The following NDUFB3 variants were observed in gnomAD, a reference collection of about 807,000 sequenced individuals.
NDUFB3 encodes NADH:ubiquinone oxidoreductase subunit B3.
In NDUFB3, 7 loss-of-function variants were observed where a neutral mutation model predicts 9.0. The observed-to-expected ratio is 0.78, with a 90% CI of 0.44 to 1.46. NDUFB3 has a LOEUF of 1.46. Ranked by LOEUF, NDUFB3 falls within the 40% of genes most tolerant of loss-of-function variation. The pLI, the probability that NDUFB3 is intolerant of heterozygous loss-of-function variation, is 0.01. For synonymous variants in NDUFB3, 29 were observed against 38.5 expected (o/e 0.75, Z 0.91); for missense variants, 93 against 115.4 (o/e 0.81, Z 0.89).
intron 2 of NDUFB3, among the ~76,000 whole-genome samples, chr2:201,083,814 G>A (rs978156106): frequency 1.3e-5 from 2 of 152,068 alleles, no homozygotes; most frequent in African/African-American, 4.8e-5. Context: ...TCATTATGAT[G>A]TATTACCATT....
At chr2:201,084,087 G>A (rs1038642422) in intron 2 of NDUFB3, among the ~76,000 whole-genome samples, 4 of 152,046 alleles carry the variant, frequency 2.6e-5, no homozygotes, top group East Asian at 3.9e-4. Context: ...TCAGAAGTTC[G>A]AGACCAGTGT....
chr2:201,076,370 C>T (rs906584828), intron 1 of NDUFB3, among the ~76,000 whole-genome samples: 1 of 151,294 alleles, frequency 6.6e-6, no homozygotes, highest in Non-Finnish European at 1.5e-5. Flanking sequence ...ACTAGCCAGG[C>T]GTTGTGCACA....
chr2:201,080,042 A>G (rs2047205898), intron 2 of NDUFB3: 1 of 152,128 alleles, frequency 6.6e-6, no homozygotes, highest in African/African-American at 2.4e-5. Flanking sequence ...TTTAAATTTT[A>G]CAATGTATCC....
intron 2 of NDUFB3, among the ~76,000 whole-genome samples, chr2:201,080,305 G>A (rs981945900): frequency 3.9e-5 from 6 of 152,064 alleles, no homozygotes; most frequent in South Asian, 2.1e-4. Flanking sequence ...GTGGTGGCTC[G>A]CACCTATAAT....
In NDUFB3 at chr2:201,076,512, T is replaced by TATATATATATATATAA. The variant is rs1250913348; in HGVS notation, c.-2-2368_-2-2367insTATATATATATATAAA. On this transcript the variant is annotated intron_variant, in intron 1 of 2. Transcript: ENST00000237889. ...ATATATATATATATATATATATATA[T>TATATATATATATATAA]AATTAAATGTGAAAATCATCAACAT... 6.2e-4 allele frequency among the ~76,000 whole-genome samples: 84 copies of TATATATATATATATAA among 134,426 alleles called. 5 individuals carry two copies. Among genetic ancestry groups the TATATATATATATATAA allele is most frequent in the African/African-American group, 2.1e-3 (74 of 35,534 alleles). The allele number at this position is 134,426 out of a possible 152,430, so 88.2% of individuals were successfully genotyped here.
At chr2:201,079,853 A>G (rs2047204507) in intron 2 of NDUFB3, 1 of 152,210 alleles carries the variant, frequency 6.6e-6, no homozygotes, top group South Asian at 2.1e-4. Context: ...TGCTTGCTTC[A>G]GAAACATATA....
At chr2:201,084,315 G>T (rs2047264952) in intron 2 of NDUFB3, among the ~76,000 whole-genome samples, 1 of 151,626 alleles carries the variant, frequency 6.6e-6, no homozygotes, top group African/African-American at 2.4e-5. Context: ...ACAAAAATTA[G>T]TCAGACATGG....
chr2:201,081,507 A>G (rs2047222027), intron 2 of NDUFB3, among the ~76,000 whole-genome samples: 1 of 151,922 alleles, frequency 6.6e-6, no homozygotes. Context: ...ATTTAGGGAT[A>G]AGTGATGTCT....
At position 201,082,197 on chromosome 2, in the gene NDUFB3, G is replaced by T. The variant is rs573823275; in HGVS notation, c.140+3175G>T. ...TTGAACTCATGACCTCAAGTGATCCGCTCGCCTCAGCCCCCCAAAGTGCTA... is the reference window on the plus strand; with the variant it reads ...TTGAACTCATGACCTCAAGTGATCCTCTCGCCTCAGCCCCCCAAAGTGCTA... On this transcript the variant is annotated intron_variant, in intron 2 of 2. Transcript: ENST00000237889. Among the ~76,000 whole-genome samples, 11 of 151,872 alleles carry T rather than the reference G, an allele frequency of 7.2e-5. No individual in the cohort carries two copies. The South Asian group carries it at 1.3e-3, about 17-fold the overall frequency.
At chr2:201,078,846 C>G (rs763894617) in intron 1 of NDUFB3, 35 bp from the exon 2 acceptor site, 2 of 1,577,150 alleles carry the variant, frequency 1.3e-6, no homozygotes, top group African/African-American at 2.7e-5. Context: ...CTACAATTTG[C>G]ATATTTCTCA....
chr2:201,074,844 A>G (rs2047143205), intron 1 of NDUFB3, among the ~76,000 whole-genome samples: 1 of 152,226 alleles, frequency 6.6e-6, no homozygotes, highest in Non-Finnish European at 1.5e-5. Flanking sequence ...TAGAAGGCAC[A>G]TCACAATGTG....
chr2:201,075,226 T>C (rs1434003802), intron 1 of NDUFB3, among the ~76,000 whole-genome samples: 1 of 151,334 alleles, frequency 6.6e-6, no homozygotes, highest in African/African-American at 2.4e-5. Context: ...AAAGGTTTCC[T>C]AGAGAAAGTG....
intron 2 of NDUFB3, among the ~76,000 whole-genome samples, chr2:201,082,038 G>A (rs932602033): frequency 1.3e-5 from 2 of 151,798 alleles, no homozygotes; most frequent in Non-Finnish European, 2.9e-5. Context: ...GAATGGTCTC[G>A]ATATCCTGAC....
At chr2:201,084,284 C>A in intron 2 of NDUFB3, among the ~76,000 whole-genome samples, 1 of 148,478 alleles carries the variant, frequency 6.7e-6, no homozygotes. Flanking sequence ...TGCGAGACTC[C>A]ATCTCAAAAA....
chr2:201,080,349 G>A (rs917365632), intron 2 of NDUFB3, among the ~76,000 whole-genome samples: 5 of 152,088 alleles, frequency 3.3e-5, no homozygotes, highest in Non-Finnish European at 4.4e-5. Context: ...CAGGCGGATC[G>A]CTTGAGCCCA....
chr2:201,080,383 G>A (rs1345923435), intron 2 of NDUFB3, among the ~76,000 whole-genome samples: 1 of 152,098 alleles, frequency 6.6e-6, no homozygotes, highest in Non-Finnish European at 1.5e-5. Flanking sequence ...AGCCTAGGCA[G>A]TACAGGGAGA....
At chr2:201,080,968 G>T (rs1304654066) in intron 2 of NDUFB3, among the ~76,000 whole-genome samples, 1 of 151,720 alleles carries the variant, frequency 6.6e-6, no homozygotes, top group Non-Finnish European at 1.5e-5. Flanking sequence ...CTCCCAAAGT[G>T]CTGGGATTAC....
chr2:201,077,800 C>T (rs957307886), intron 1 of NDUFB3, among the ~76,000 whole-genome samples: 1 of 152,122 alleles, frequency 6.6e-6, no homozygotes, highest in African/African-American at 2.4e-5. Context: ...ACATAATTGC[C>T]TCAATTTTAC....
In NDUFB3 at chr2:201,077,869, T is replaced by G. The variant is rs546098596; in HGVS notation, c.-2-1012T>G. On this transcript the variant is annotated intron_variant, in intron 1 of 2. Transcript: ENST00000237889. ...TCTGCCTCTTTAAAGAAACCTTTCA[T>G]GTAATCATATGTATTTAAAAGCATT... Among the ~76,000 whole-genome samples, 4 of 152,340 alleles carry G rather than the reference T, an allele frequency of 2.6e-5. No homozygotes were observed. In the South Asian group the frequency reaches 8.3e-4, roughly 32 times the overall value.
Sources: gnomAD v4.1 joint callset for allele counts (sites outside exome capture counted in the v4.1 genomes callset) on GRCh38, gnomAD v4.1.1 for gene constraint, MANE v1.5 for transcripts, NCBI Gene and HGNC (gene_info 2026-07-23, HGNC 2026-07-21) for gene names.